FAT3: variants seen among roughly 807,000 people sequenced by gnomAD.
FAT3 encodes FAT atypical cadherin 3.
FAT3 carries 95 observed loss-of-function variants against 310.2 expected under a neutral mutation model. The ratio of observed to expected loss-of-function variants is 0.31; its 90% CI spans 0.26 to 0.36. The LOEUF is 0.36. Among genes scored for constraint, FAT3 ranks in the 10% least tolerant of loss-of-function variants. FAT3 has a pLI of 1.00. For missense variants in FAT3, 5,408 were observed against 5,715.6 expected (o/e 0.95, Z 1.74); for synonymous variants, 2,314 against 2,192.9 (o/e 1.06, Z -1.54).
intron 1 of FAT3, among the ~76,000 whole-genome samples, chr11:92,319,248 T>C (rs1490485630): frequency 6.6e-6 from 1 of 152,214 alleles, no homozygotes; most frequent in Non-Finnish European, 1.5e-5. Flanking sequence ...TGTGGTTTTC[T>C]TTCGTTGTTC....
intron 3 of FAT3, among the ~76,000 whole-genome samples, chr11:92,552,960 AT>A (rs770618048): frequency 0.015 from 902 of 59,446 alleles, 18 homozygotes; most frequent in African/African-American, 0.021. Flanking sequence ...ACAAAAAAAA[AT>A]AAAAGAAAAG....
intron 1 of FAT3, among the ~76,000 whole-genome samples, chr11:92,316,936 A>G (rs930639118): frequency 1.3e-5 from 2 of 152,208 alleles, no homozygotes; most frequent in African/African-American, 4.8e-5. Context: ...CAAAGAAGGA[A>G]TAACCAATCA....
intron 1 of FAT3, among the ~76,000 whole-genome samples, chr11:92,348,690 G>A (rs1466644713): frequency 6.6e-6 from 1 of 152,150 alleles, no homozygotes; most frequent in Non-Finnish European, 1.5e-5. Flanking sequence ...CTGAACCTGG[G>A]AAACTTGAGT....
At chr11:92,887,498 C>T (rs1357866222) in intron 25 of FAT3, among the ~76,000 whole-genome samples, 1 of 152,178 alleles carries the variant, frequency 6.6e-6, no homozygotes, top group East Asian at 1.9e-4. Context: ...CCAACATCCC[C>T]GTCATTAGAA....
At chr11:92,342,071 A>G (rs2134586993) in intron 1 of FAT3, among the ~76,000 whole-genome samples, 1 of 152,234 alleles carries the variant, frequency 6.6e-6, no homozygotes, top group African/African-American at 2.4e-5. Context: ...TTACAAAACC[A>G]CCTGCTTGAG....
At chr11:92,607,228 G>A (rs1940342717) in intron 3 of FAT3, among the ~76,000 whole-genome samples, 1 of 151,956 alleles carries the variant, frequency 6.6e-6, no homozygotes, top group Non-Finnish European at 1.5e-5. Flanking sequence ...TCTACCTTAT[G>A]ATATGATTTC....
chr11:92,830,592 C>G (rs570542299), intron 13 of FAT3, among the ~76,000 whole-genome samples: 27 of 152,228 alleles, frequency 1.8e-4, no homozygotes, highest in African/African-American at 6.0e-4. Flanking sequence ...GCTTGGCCCT[C>G]TCCTCTGAAC....
At chr11:92,296,900 AAACAACATAGTG>A (rs2134412994) in intron 1 of FAT3, among the ~76,000 whole-genome samples, 1 of 152,232 alleles carries the variant, frequency 6.6e-6, no homozygotes, top group Non-Finnish European at 1.5e-5. Flanking sequence ...TGTGCCATTT[AAACAACATAGTG>A]ATCCAGAACA....
At chr11:92,552,804 G>T (rs758008171) in intron 3 of FAT3, among the ~76,000 whole-genome samples, 24 of 151,846 alleles carry the variant, frequency 1.6e-4, no homozygotes, top group Admixed American at 6.6e-4. Context: ...AGAATTGTTA[G>T]CCAGGCATGA....
intron 13 of FAT3, among the ~76,000 whole-genome samples, chr11:92,830,957 G>A (rs180774426): frequency 1.1e-4 from 17 of 152,240 alleles, no homozygotes; most frequent in Non-Finnish European, 2.9e-5. Flanking sequence ...GACACCATCT[G>A]CCTTGTTCAG....
At chr11:92,316,180 A>G (rs1362671193) in intron 1 of FAT3, among the ~76,000 whole-genome samples, 2 of 152,112 alleles carry the variant, frequency 1.3e-5, no homozygotes, top group Non-Finnish European at 2.9e-5. Context: ...GCCTTGAGCC[A>G]AGCAGAACTA....
chr11:92,287,693 G>T (rs747930081), intron 1 of FAT3, among the ~76,000 whole-genome samples: 26 of 152,214 alleles, frequency 1.7e-4, no homozygotes, highest in Middle Eastern at 6.8e-3. Flanking sequence ...AGTTATCCCT[G>T]TGGTTTCTTT....
In FAT3 at chr11:92,445,639, G is replaced by A. The variant is rs144139488; in HGVS notation, c.3293-78995G>A. Among the ~76,000 whole-genome samples, 1,084 of 152,128 alleles carry A rather than the reference G, an allele frequency of 7.1e-3. 20 individuals carry two copies. Among genetic ancestry groups the A allele is most frequent in the African/African-American group, 0.025 (1,040 of 41,490 alleles). Reference sequence around the variant, plus strand: ...CTAATGGTAATTTAGGTTAAGAAAGGCCTAATATTTGTTTTGCATATATGA... The same window carrying A: ...CTAATGGTAATTTAGGTTAAGAAAGACCTAATATTTGTTTTGCATATATGA... On this transcript the variant is annotated intron_variant, in intron 2 of 27. Transcript: ENST00000525166.
intron 4 of FAT3, 136 bp from the exon 5 acceptor site, chr11:92,761,720 A>G: frequency 1.3e-6 from 1 of 791,822 alleles, no homozygotes; most frequent in Admixed American, 2.6e-5. Context: ...AAAGATGAAA[A>G]AAGAGAAGAA....
chr11:92,646,643 CA>C (rs1416156184), intron 3 of FAT3, among the ~76,000 whole-genome samples: 22 of 152,324 alleles, frequency 1.4e-4, no homozygotes, highest in African/African-American at 4.8e-4. Context: ...AGAAAATCAA[CA>C]TGAGGAAGGA....
intron 3 of FAT3, among the ~76,000 whole-genome samples, chr11:92,609,761 C>T (rs1167989677): frequency 6.6e-6 from 1 of 152,026 alleles, no homozygotes; most frequent in Admixed American, 6.6e-5. Flanking sequence ...ATGATTTAAG[C>T]ATATCATTTC....
chr11:92,327,086 T>C (rs1947787130), intron 1 of FAT3, among the ~76,000 whole-genome samples: 1 of 152,256 alleles, frequency 6.6e-6, no homozygotes, highest in Admixed American at 6.5e-5. Flanking sequence ...ATAATATTTA[T>C]TAAAAGACAT....
chr11:92,563,426 G>GA lies in FAT3; in HGVS notation c.3607+38479dup, dbSNP rs1319593843. ...ATATTTTGTGATTGACTGAAACATA[G>GA]ATTTATATTAGTCAACTTCAGACAC... On this transcript the variant is annotated intron_variant, in intron 3 of 27. Transcript: ENST00000525166. 3.3e-5 allele frequency among the ~76,000 whole-genome samples: 5 copies of GA among 152,164 alleles called. No homozygotes were observed. In the East Asian group the frequency reaches 9.7e-4, roughly 29 times the overall value.
At chr11:92,367,132 C>G (rs1949046289) in intron 2 of FAT3, 1 of 411,272 alleles carries the variant, frequency 2.4e-6, no homozygotes, top group Non-Finnish European at 4.8e-6. Flanking sequence ...CTGCCTGTAG[C>G]ACTTTGCCTT....
Sources: allele counts gnomAD v4.1 joint callset (sites outside exome capture counted in the v4.1 genomes callset), GRCh38; gene constraint gnomAD v4.1.1; transcripts MANE v1.5; gene names NCBI Gene and HGNC (gene_info 2026-07-23, HGNC 2026-07-21).